DNAL1: variants seen among roughly 807,000 people sequenced by gnomAD.
The protein encoded by DNAL1 is dynein axonemal light chain 1.
Under a neutral mutation model 29.4 loss-of-function variants are expected in DNAL1, and 17 were observed. The ratio of observed to expected loss-of-function variants is 0.58; its 90% confidence interval spans 0.40 to 0.87. DNAL1 has a LOEUF of 0.87. Among genes scored for constraint, DNAL1 ranks in the 40% least tolerant of loss-of-function variants. The probability of loss-of-function intolerance (pLI) is 0.00; values close to 1 mark genes in which losing one functional copy is unlikely to be tolerated. For synonymous variants in DNAL1, 78 were observed against 76.3 expected (o/e 1.02, Z -0.12); for missense variants, 188 against 214.1 (o/e 0.88, Z 0.76).
At position 73,671,601 on chromosome 14, in the gene DNAL1, G is replaced by A. The variant is rs773731641; in HGVS notation, c.264+4G>A. The A allele has an allele frequency of 2.1e-6, 3 of 1,458,234 alleles. No individual in the cohort carries two copies. The highest frequency in any genetic ancestry group is 2.6e-5 in the East Asian group (1 of 38,782). 90.3% of individuals were successfully genotyped at this position (1,458,234 alleles called of 1,614,324 possible). A position where few individuals can be genotyped will look rare whatever the true frequency, so the allele number is the denominator to read the frequency against. Reference sequence around the variant, plus strand: ...CATAAAGAACTTAAATGGACTGGTAGGTTGTTATTTATTATTATTTTATTT... The same window carrying A: ...CATAAAGAACTTAAATGGACTGGTAAGTTGTTATTTATTATTATTTTATTT... On this transcript the variant is annotated splice_donor_region_variant and intron_variant, in intron 5 of 7. Transcript: ENST00000553645.
chr14:73,657,073 T>G (rs977440559), intron 2 of DNAL1, among the ~76,000 whole-genome samples: 1 of 151,936 alleles, frequency 6.6e-6, no homozygotes, highest in Non-Finnish European at 1.5e-5. Context: ...CATGAGCCAT[T>G]GTGCCCGGCC....
intron 1 of DNAL1, among the ~76,000 whole-genome samples, chr14:73,649,346 G>C (rs1282197304): frequency 1.3e-5 from 2 of 149,986 alleles, no homozygotes; most frequent in African/African-American, 4.9e-5. Context: ...GCAGTGGCGC[G>C]ATCTCGGCTC....
intron 4 of DNAL1, among the ~76,000 whole-genome samples, chr14:73,670,877 C>A (rs1432821968): frequency 6.6e-6 from 1 of 151,908 alleles, no homozygotes; most frequent in Non-Finnish European, 1.5e-5. Flanking sequence ...GCTGGGACTA[C>A]AGGTGCCCAC....
intron 5 of DNAL1, among the ~76,000 whole-genome samples, chr14:73,681,946 C>G (rs1327595838): frequency 6.6e-6 from 1 of 151,464 alleles, no homozygotes; most frequent in African/African-American, 2.4e-5. Flanking sequence ...AACCCCATCT[C>G]TATTGAAAAT....
At chr14:73,689,573 G>T (rs1892116886) in intron 7 of DNAL1, 58 bp downstream of exon 7, 1 of 1,561,546 alleles carries the variant, frequency 6.4e-7, no homozygotes, top group African/African-American at 1.4e-5. Flanking sequence ...GGAATTTGTG[G>T]CATGGAATCA....
Position 73,698,246 on chromosome 14 carries a change from A to G in DNAL1, c.*2304A>G, listed in dbSNP as rs1892347799. ...ATTTCATGCAAAATTCATATTCAGT[A>G]TCATTCAACAAATCTTTGAATGACT... On this transcript the variant is annotated 3_prime_UTR_variant, in exon 8 of 8. Coordinates refer to ENST00000553645, the MANE Select transcript of DNAL1 (RefSeq NM_031427.4). The G allele has an allele frequency of 6.6e-6, 1 of 152,250 alleles. No individual in the cohort carries two copies. The highest frequency in any genetic ancestry group is 1.5e-5 in the Non-Finnish European group (1 of 68,044). 9.4% of individuals were successfully genotyped at this position (152,250 alleles called of 1,614,324 possible).
At chr14:73,654,161 T>C (rs72719694) in intron 1 of DNAL1, among the ~76,000 whole-genome samples, 477 of 152,330 alleles carry the variant, frequency 3.1e-3, no homozygotes, top group Middle Eastern at 0.01. Context: ...GATTATAAGA[T>C]GTATCCAAAT....
rs1467829941 is a variant in DNAL1 at position 73,697,310 on chromosome 14, G to A, written c.*1368G>A. 6.6e-6 allele frequency: 1 copy of A among 152,138 alleles called. No individual in the cohort carries two copies. Among genetic ancestry groups the A allele is most frequent in the Admixed American group, 6.5e-5 (1 of 15,270 alleles). 9.4% of individuals were successfully genotyped at this position (152,138 alleles called of 1,614,324 possible). A position where few individuals can be genotyped will look rare whatever the true frequency, so the allele number is the denominator to read the frequency against. On this transcript the variant is annotated 3_prime_UTR_variant, in exon 8 of 8. Transcript: ENST00000553645. ...CTTGCATAAAATCACAGTGAAAGAG[G>A]GAAGAATCATCTTTAAAAAGTGATT...
rs529805133 is a variant in DNAL1 at position 73,668,324 on chromosome 14, C to G, written c.209-3218C>G. Among the ~76,000 whole-genome samples, 24 of 151,762 alleles carry G rather than the reference C, an allele frequency of 1.6e-4. No individual in the cohort carries two copies. In the South Asian group the frequency reaches 4.8e-3, roughly 30 times the overall value. ...AATATTGCAAGTGCTTATTGCTGTTCCTGGTGTATAGTAGATGGTCAGTAA... is the reference window on the plus strand; with the variant it reads ...AATATTGCAAGTGCTTATTGCTGTTGCTGGTGTATAGTAGATGGTCAGTAA... On this transcript the variant is annotated intron_variant, in intron 4 of 7. Coordinates refer to ENST00000553645, the MANE Select transcript of DNAL1 (RefSeq NM_031427.4).
At chr14:73,659,769 A>T (rs1343329420) in intron 3 of DNAL1, 4 of 152,222 alleles carry the variant, frequency 2.6e-5, no homozygotes, top group Admixed American at 2.6e-4. Flanking sequence ...CCTTAAAAAA[A>T]AAGTTTAAAA....
At chr14:73,663,455 C>T (rs1891401389) in intron 4 of DNAL1, among the ~76,000 whole-genome samples, 1 of 152,192 alleles carries the variant, frequency 6.6e-6, no homozygotes, top group Non-Finnish European at 1.5e-5. Context: ...ATCCACCCAC[C>T]TCAGCCTCCC....
At chr14:73,659,059 AT>A (rs1566881355) in intron 3 of DNAL1, 103 bp downstream of exon 3, 5 of 855,462 alleles carry the variant, frequency 5.8e-6, no homozygotes, top group Non-Finnish European at 6.8e-6. Context: ...GTCTTCATTT[AT>A]TTTTTGTTTG....
chr14:73,664,383 T>G (rs188717851), intron 4 of DNAL1, among the ~76,000 whole-genome samples: 4 of 152,338 alleles, frequency 2.6e-5, no homozygotes, highest in Admixed American at 2.6e-4. Context: ...ATCAGAGACC[T>G]TTTAATGGTA....
intron 4 of DNAL1, among the ~76,000 whole-genome samples, chr14:73,668,642 C>T (rs969277367): frequency 2.6e-5 from 4 of 151,582 alleles, no homozygotes; most frequent in South Asian, 2.1e-4. Context: ...CTTCTGAGGC[C>T]GCTCTGCTTG....
intron 7 of DNAL1, among the ~76,000 whole-genome samples, chr14:73,690,983 G>A (rs1323769851): frequency 2.0e-5 from 3 of 152,092 alleles, no homozygotes; most frequent in Non-Finnish European, 4.4e-5. Context: ...CTTAAGATCA[G>A]TGTCAGCATC....
At chr14:73,650,229 T>G (rs1204699780) in intron 1 of DNAL1, among the ~76,000 whole-genome samples, 1 of 152,212 alleles carries the variant, frequency 6.6e-6, no homozygotes, top group Admixed American at 6.5e-5. Flanking sequence ...CCTCAAGTGA[T>G]CCTCTGACCT....
Position 73,703,358 on chromosome 14 carries a change from A to C in DNAL1, c.*7416A>C, listed in dbSNP as rs1283252552. ...GATAACTGTCAGACCTCTGAGCCCAAGCTAAGCCATCGCATCCCCTGTGAC... is the reference window on the plus strand; with the variant it reads ...GATAACTGTCAGACCTCTGAGCCCACGCTAAGCCATCGCATCCCCTGTGAC... On this transcript the variant is annotated 3_prime_UTR_variant, in exon 8 of 8. Coordinates refer to ENST00000553645, the MANE Select transcript of DNAL1 (RefSeq NM_031427.4). The C allele has an allele frequency of 3.9e-5, 6 of 152,278 alleles. No individual in the cohort carries two copies. The highest frequency in any genetic ancestry group is 2.0e-4 in the Admixed American group (3 of 15,286). 9.4% of individuals were successfully genotyped at this position (152,278 alleles called of 1,614,324 possible). A position where few individuals can be genotyped will look rare whatever the true frequency, so the allele number is the denominator to read the frequency against.
rs977431934 is a variant in DNAL1, at chr14:73,700,817, A to G, written c.*4875A>G. ...AATGTGTCTGTAAATCATGAAATATAAAAGCAAGATTCAGTGTAGCAGAGT... is the reference window on the plus strand; with the variant it reads ...AATGTGTCTGTAAATCATGAAATATGAAAGCAAGATTCAGTGTAGCAGAGT... On this transcript the variant is annotated 3_prime_UTR_variant, in exon 8 of 8. Coordinates refer to ENST00000553645, the MANE Select transcript of DNAL1 (RefSeq NM_031427.4). The G allele has an allele frequency of 6.6e-6, 1 of 152,256 alleles. No homozygotes were observed. The highest frequency in any genetic ancestry group is 2.4e-5 in the African/African-American group (1 of 41,478). 9.4% of individuals were successfully genotyped at this position (152,256 alleles called of 1,614,324 possible). A position where few individuals can be genotyped will look rare whatever the true frequency, so the allele number is the denominator to read the frequency against.
rs1038344349 is a variant in DNAL1, at chr14:73,658,832, G to A, written c.43-15G>A. On this transcript the variant is annotated splice_polypyrimidine_tract_variant and intron_variant, in intron 2 of 7. Coordinates refer to ENST00000553645, the MANE Select transcript of DNAL1 (RefSeq NM_031427.4). ...CAATCATGGGTTATTTCTTCCAAAT[G>A]TATTTTTCTCATAGGAAGAGAAAAC... is the stretch of plus-strand genomic sequence containing the variant. 6.3e-7 allele frequency: 1 copy of A among 1,582,142 alleles called. No homozygotes were observed. Among genetic ancestry groups the A allele is most frequent in the African/African-American group, 1.4e-5 (1 of 74,012 alleles).
Sources: gnomAD v4.1 joint callset for allele counts (sites outside exome capture counted in the v4.1 genomes callset) on GRCh38, gnomAD v4.1.1 for gene constraint, MANE v1.5 for transcripts, NCBI Gene and HGNC (gene_info 2026-07-23, HGNC 2026-07-21) for gene names.